The following TBC1D16 variants were observed in gnomAD, a reference collection of about 807,000 sequenced individuals.
TBC1D16 encodes the protein TBC1 domain family member 16, also known as CTD-2529O21.1.
In TBC1D16, 58 loss-of-function variants were observed where a neutral mutation model predicts 74.7. The observed-to-expected ratio is 0.78, with a 90% CI of 0.63 to 0.97. The LOEUF (loss-of-function observed/expected upper bound fraction) is 0.97, where lower values mean the gene tolerates loss of function less well. Ranked by LOEUF, TBC1D16 falls within the 50% of genes least tolerant of loss-of-function variation. TBC1D16 has a pLI of 0.00. For missense variants in TBC1D16, 1,014 were observed against 1,079.5 expected (o/e 0.94, Z 0.85); for synonymous variants, 493 against 474.7 (o/e 1.04, Z -0.50).
chr17:80,032,522 A>AG, intron 1 of TBC1D16, among the ~76,000 whole-genome samples: 1 of 152,216 alleles, frequency 6.6e-6, no homozygotes, highest in East Asian at 1.9e-4. Flanking sequence ...GCCACCAGAC[A>AG]GCTCATAAAA....
chr17:80,006,476 C>T (rs1288606805), intron 3 of TBC1D16, among the ~76,000 whole-genome samples: 1 of 152,020 alleles, frequency 6.6e-6, no homozygotes, highest in Admixed American at 6.5e-5. Flanking sequence ...AGCCAAGGAT[C>T]TCCAGTCCCA....
At chr17:80,028,650 G>T (rs1341986590) in intron 1 of TBC1D16, among the ~76,000 whole-genome samples, 1 of 147,686 alleles carries the variant, frequency 6.8e-6, no homozygotes, top group Non-Finnish European at 1.5e-5. Flanking sequence ...TTGAGACAGA[G>T]TCTCGCTCTG....
At chr17:80,004,905 C>G (rs1234760450) in intron 3 of TBC1D16, among the ~76,000 whole-genome samples, 1 of 152,208 alleles carries the variant, frequency 6.6e-6, no homozygotes, top group African/African-American at 2.4e-5. Context: ...CAACTGCCAA[C>G]CTCAAGTGAT....
Position 80,013,386 on chromosome 17 carries a change from C to T in TBC1D16, c.162G>A (p.Gly54=). The T allele has an allele frequency of 6.2e-7, 1 of 1,607,280 alleles. No individual in the cohort carries two copies. Residue 54 remains glycine (G), a synonymous_variant, in exon 2 of 12, where the codon GGG becomes GGA. Transcript: ENST00000310924. ...VCVHPPEGLQ[G]LGEHHPGYLC... ...GCTCACCTGGGTGGTGCTCCCCCAGCCCCTGCAGCCCCTCCGGCGGGTGCA... is the reference window on the plus strand; with the variant it reads ...GCTCACCTGGGTGGTGCTCCCCCAGTCCCTGCAGCCCCTCCGGCGGGTGCA...
At chr17:79,995,276 G>T (rs2035226096) in intron 3 of TBC1D16, among the ~76,000 whole-genome samples, 1 of 151,704 alleles carries the variant, frequency 6.6e-6, no homozygotes, top group African/African-American at 2.4e-5. Context: ...CTCCAGTTTG[G>T]GTGACAAACT....
intron 1 of TBC1D16, among the ~76,000 whole-genome samples, chr17:80,021,435 G>C (rs2036278921): frequency 6.7e-6 from 1 of 149,598 alleles, no homozygotes; most frequent in Non-Finnish European, 1.5e-5. Flanking sequence ...ACCCCACCCT[G>C]GGTGACAGAT....
Position 79,933,885 on chromosome 17 carries a change from G to T in TBC1D16, c.*6974C>A, listed in dbSNP as rs1447063783. ...CATAGTCCTCGTGGGATGAATGCATGAATGATGTGGAAGGAGCCAGAACAG... is the reference window on the plus strand; with the variant it reads ...CATAGTCCTCGTGGGATGAATGCATTAATGATGTGGAAGGAGCCAGAACAG... On this transcript the variant is annotated 3_prime_UTR_variant, in exon 12 of 12. Transcript: ENST00000310924. The T allele has an allele frequency of 6.6e-6, 1 of 152,256 alleles. No homozygotes were observed. Among genetic ancestry groups the T allele is most frequent in the Non-Finnish European group, 1.5e-5 (1 of 68,062 alleles). 9.4% of individuals were successfully genotyped at this position (152,256 alleles called of 1,614,324 possible).
intron 1 of TBC1D16, among the ~76,000 whole-genome samples, chr17:80,023,660 C>G (rs1201110150): frequency 1.4e-5 from 2 of 144,374 alleles, no homozygotes; most frequent in Non-Finnish European, 3.0e-5. Context: ...CTGCCGGGCC[C>G]CCCCCCACCG....
Position 79,936,898 on chromosome 17 carries a change from GTGTGCA to G in TBC1D16, c.*3955_*3960del, listed in dbSNP as rs1480972309. 78 of 129,304 alleles carry G rather than the reference GTGTGCA, an allele frequency of 6.0e-4. No homozygotes were observed. Among genetic ancestry groups the G allele is most frequent in the East Asian group, 5.8e-3 (25 of 4,336 alleles). The allele number at this position is 129,304 out of a possible 1,614,324, so 8.0% of individuals were successfully genotyped here. ...TGTGTGTGTGTGTGCATGCGTGCGT[GTGTGCA>G]TGTGCGTGTGTGTGTGTGTGTGTGT... On this transcript the variant is annotated 3_prime_UTR_variant, in exon 12 of 12. Transcript: ENST00000310924.
At chr17:80,017,367 C>A (rs375328965) in intron 1 of TBC1D16, among the ~76,000 whole-genome samples, 5 of 152,074 alleles carry the variant, frequency 3.3e-5, no homozygotes, top group African/African-American at 1.2e-4. Flanking sequence ...GAATTCTTTC[C>A]ATTTTTCAAC....
intron 1 of TBC1D16, among the ~76,000 whole-genome samples, chr17:80,017,214 GTCTC>G (rs2036119756): frequency 2.0e-5 from 3 of 152,132 alleles, no homozygotes; most frequent in Admixed American, 6.6e-5. Context: ...GGGCCGGAGA[GTCTC>G]TGTCGTGACC....
rs1370285597 is a variant in TBC1D16 at position 79,949,862 on chromosome 17, T to C, written c.1261A>G (p.Ile421Val). ...GACACATCAATACCGCCAAAGAAAA[T>C]GGCCTGGAGGAAGCGGCAAAAGTTG... Reference protein sequence around the residue: ...VEEEYKLRKAIFFGGIDVSIR... With the variant: ...VEEEYKLRKAVFFGGIDVSIR... The change falls in exon 7 of 12, where the codon ATT becomes GTT. Residue 421 changes from isoleucine (I) to valine (V), a missense_variant. By Grantham distance (29) the Ile-to-Val change is conservative. Transcript: ENST00000310924. The C allele has an allele frequency of 6.2e-7, 1 of 1,611,898 alleles. No individual in the cohort carries two copies. The highest frequency in any genetic ancestry group is 1.1e-5 in the South Asian group (1 of 91,040).
intron 3 of TBC1D16, among the ~76,000 whole-genome samples, chr17:79,953,271 C>T (rs2033170272): frequency 6.6e-6 from 1 of 152,190 alleles, no homozygotes; most frequent in Non-Finnish European, 1.5e-5. Context: ...TAGCATGGGG[C>T]TTCCGCGTGG....
intron 1 of TBC1D16, among the ~76,000 whole-genome samples, chr17:80,029,783 C>T (rs1598453744): frequency 1.3e-5 from 2 of 152,258 alleles, no homozygotes; most frequent in South Asian, 4.1e-4. Flanking sequence ...CCAGCTACAA[C>T]ACAAATGCAT....
intron 3 of TBC1D16, chr17:79,991,991 G>A (rs2144500418): frequency 6.6e-6 from 1 of 152,368 alleles, no homozygotes; most frequent in African/African-American, 2.4e-5. Context: ...CGGGGGCCTG[G>A]TGGCCCCCCC....
At chr17:79,955,343 G>A (rs992651927) in intron 3 of TBC1D16, among the ~76,000 whole-genome samples, 1 of 152,142 alleles carries the variant, frequency 6.6e-6, no homozygotes, top group Non-Finnish European at 1.5e-5. Flanking sequence ...GGTGGGGGTT[G>A]CATCGTGTCT....
chr17:80,011,317 G>C (rs904696816), intron 2 of TBC1D16, among the ~76,000 whole-genome samples: 3 of 151,732 alleles, frequency 2.0e-5, no homozygotes, highest in African/African-American at 7.3e-5. Flanking sequence ...AAAGTGCTAG[G>C]ATTACAGGCG....
rs549414016 is a variant in TBC1D16, at chr17:79,964,369, C to T, written c.780-11551G>A. 7.2e-5 allele frequency among the ~76,000 whole-genome samples: 11 copies of T among 152,290 alleles called. No homozygotes were observed. The South Asian group carries it at 1.9e-3, about 26-fold the overall frequency. On this transcript the variant is annotated intron_variant, in intron 3 of 11. Transcript: ENST00000310924. ...CATACATGATCTGCAAATATTTTCCCGCATTCTGTGAGTGATCTTTATACT... is the reference window on the plus strand; with the variant it reads ...CATACATGATCTGCAAATATTTTCCTGCATTCTGTGAGTGATCTTTATACT...
At chr17:79,949,065 G>A in intron 7 of TBC1D16, 59 bp from the exon 8 acceptor site, 1 of 1,606,094 alleles carries the variant, frequency 6.2e-7, no homozygotes. Flanking sequence ...GCATCGTGTG[G>A]CGCACACACT....
Sources: allele counts gnomAD v4.1 joint callset (sites outside exome capture counted in the v4.1 genomes callset), GRCh38; gene constraint gnomAD v4.1.1; transcripts MANE v1.5; gene names NCBI Gene and HGNC (gene_info 2026-07-23, HGNC 2026-07-21).